Variants in PCBP3 observed in about 807,000 individuals in gnomAD.
PCBP3 encodes poly(rC) binding protein 3.
Under a neutral mutation model 52.7 loss-of-function variants are expected in PCBP3, and 25 were observed. That is an observed-to-expected ratio of 0.47 (90% confidence interval 0.35 to 0.66). PCBP3 has a LOEUF of 0.66. Among genes scored for constraint, PCBP3 ranks in the 30% least tolerant of loss-of-function variants. The pLI, the probability that PCBP3 is intolerant of heterozygous loss-of-function variation, is 0.01. For synonymous variants in PCBP3, 162 were observed against 183.0 expected, an observed-to-expected ratio of 0.89 and a Z score of 0.93; for missense variants, 391 against 490.3, an observed-to-expected ratio of 0.80 and a Z score of 1.91.
At chr21:45,867,752 A>G (rs1188249804) in intron 5 of PCBP3, among the ~76,000 whole-genome samples, 1 of 152,288 alleles carries the variant, frequency 6.6e-6, no homozygotes, top group Non-Finnish European at 1.5e-5. Flanking sequence ...CTGCGGCCAC[A>G]GAAGACTCGC....
intron 17 of PCBP3, among the ~76,000 whole-genome samples, chr21:45,940,706 C>G (rs1258505463): frequency 1.3e-5 from 2 of 151,210 alleles, no homozygotes; most frequent in Non-Finnish European, 2.9e-5. Flanking sequence ...CCCACTCGGC[C>G]TCAAGCCAGT....
chr21:45,844,855 TAACTTTATATA>T (rs1184256041), intron 4 of PCBP3, among the ~76,000 whole-genome samples: 1 of 147,026 alleles, frequency 6.8e-6, no homozygotes, highest in Non-Finnish European at 1.5e-5. Context: ...TATAAAGTTA[TAACTTTATATA>T]CGTATATGAA....
chr21:45,811,281 GGCTCTCCGCAGCAGTGCT>G lies in PCBP3; in HGVS notation c.-125-38677_-125-38660del, dbSNP rs144839456. Among the ~76,000 whole-genome samples, 44 of 152,326 alleles carry G rather than the reference GGCTCTCCGCAGCAGTGCT, an allele frequency of 2.9e-4. No homozygotes were observed. In the East Asian group the frequency reaches 8.5e-3, roughly 29 times the overall value. Reference sequence around the variant, plus strand: ...GCCCCGACAGCAGGAGGCCCCACTGGGCTCTCCGCAGCAGTGCTGCATCCCTTCTGGAGGCTCACGGGG... The same window carrying G: ...GCCCCGACAGCAGGAGGCCCCACTGGGCATCCCTTCTGGAGGCTCACGGGG... On this transcript the variant is annotated intron_variant, in intron 4 of 17. Transcript: ENST00000681687.
intron 4 of PCBP3, among the ~76,000 whole-genome samples, chr21:45,836,860 G>T (rs1280488013): frequency 1.3e-5 from 2 of 152,130 alleles, no homozygotes; most frequent in Non-Finnish European, 2.9e-5. Flanking sequence ...TCTTAGGTTG[G>T]TATGTGTTTC....
intron 4 of PCBP3, among the ~76,000 whole-genome samples, chr21:45,801,891 A>G (rs1219126212): frequency 1.3e-5 from 2 of 152,138 alleles, no homozygotes; most frequent in African/African-American, 4.8e-5. Flanking sequence ...CCCATGATCT[A>G]CTCAGTTTAA....
chr21:45,712,103 ATAT>A (rs1430765395), intron 2 of PCBP3, among the ~76,000 whole-genome samples: 5 of 152,208 alleles, frequency 3.3e-5, no homozygotes, highest in African/African-American at 1.2e-4. Flanking sequence ...TCACTGAATA[ATAT>A]TCTGTTGTAT....
chr21:45,827,430 A>G lies in PCBP3; in HGVS notation c.-125-22531A>G, dbSNP rs1223211220. Among the ~76,000 whole-genome samples the G allele has an allele frequency of 6.6e-6, 1 of 152,156 alleles. No homozygotes were observed. Among genetic ancestry groups the G allele is most frequent in the Non-Finnish European group, 1.5e-5 (1 of 68,026 alleles). On this transcript the variant is annotated intron_variant, in intron 4 of 17. Coordinates refer to ENST00000681687, the MANE Select transcript of PCBP3 (RefSeq NM_001384156.1). The surrounding 1 kb of genome is among the most constrained non-coding windows in gnomAD (Gnocchi z 4.3). ...ACTCCAGTTCAGCTGACAAAAGGCAATCGACAGACACCAACACCAACACCC... is the reference window on the plus strand; with the variant it reads ...ACTCCAGTTCAGCTGACAAAAGGCAGTCGACAGACACCAACACCAACACCC...
intron 4 of PCBP3, among the ~76,000 whole-genome samples, chr21:45,792,112 G>C (rs1032935750): frequency 6.6e-6 from 1 of 152,296 alleles, no homozygotes; most frequent in African/African-American, 2.4e-5. Context: ...GCCAGGCTGT[G>C]AAGCAGTTGG....
intron 4 of PCBP3, among the ~76,000 whole-genome samples, chr21:45,783,273 G>T (rs188040854): frequency 6.6e-6 from 1 of 152,266 alleles, no homozygotes. Context: ...CTTTCATGAA[G>T]TGCTTTTCTT....
rs544033506 is a variant in PCBP3 at position 45,886,165 on chromosome 21, C to T, written c.11-10043C>T. Among the ~76,000 whole-genome samples the T allele has an allele frequency of 8.0e-4, 80 of 100,574 alleles. 2 individuals are homozygous for T. The highest frequency in any genetic ancestry group is 1.5e-3 in the Non-Finnish European group (66 of 45,292). 66.0% of individuals were successfully genotyped at this position (100,574 alleles called of 152,430 possible). On this transcript the variant is annotated intron_variant, in intron 5 of 17. Transcript: ENST00000681687. ...ACATGGTGAGGTGTGGAGGAGGCCTCGTTGCCGCGGGTGCCAAGGGCAGAG... is the reference window on the plus strand; with the variant it reads ...ACATGGTGAGGTGTGGAGGAGGCCTTGTTGCCGCGGGTGCCAAGGGCAGAG...
chr21:45,731,336 G>A (rs1012206662), intron 2 of PCBP3, among the ~76,000 whole-genome samples: 13 of 152,184 alleles, frequency 8.5e-5, no homozygotes, highest in Non-Finnish European at 1.2e-4. Context: ...TGAAAACACC[G>A]TTTTTAGGCT....
At chr21:45,664,526 G>A (rs1204125891) in intron 1 of PCBP3, among the ~76,000 whole-genome samples, 1 of 151,094 alleles carries the variant, frequency 6.6e-6, no homozygotes, top group Non-Finnish European at 1.5e-5. Flanking sequence ...AATATTTCAA[G>A]GGGACTAAAA....
intron 4 of PCBP3, among the ~76,000 whole-genome samples, chr21:45,783,656 G>T: frequency 6.6e-6 from 1 of 152,212 alleles, no homozygotes; most frequent in Non-Finnish European, 1.5e-5. Flanking sequence ...GGTGATGGAG[G>T]AGGTCAGTGC....
chr21:45,783,028 G>T (rs937149479), intron 4 of PCBP3, among the ~76,000 whole-genome samples: 7 of 152,174 alleles, frequency 4.6e-5, no homozygotes, highest in Admixed American at 1.3e-4. Context: ...GACCATTCAG[G>T]CAACCACTTT....
At chr21:45,919,964 T>C (rs902737329) in intron 13 of PCBP3, among the ~76,000 whole-genome samples, 2 of 152,218 alleles carry the variant, frequency 1.3e-5, no homozygotes, top group Non-Finnish European at 2.9e-5. Context: ...GAGGCGACTT[T>C]CTGGGGTGGC....
chr21:45,714,455 C>A (rs562331584), intron 2 of PCBP3, among the ~76,000 whole-genome samples: 1 of 152,102 alleles, frequency 6.6e-6, no homozygotes, highest in Non-Finnish European at 1.5e-5. Context: ...CACACACATG[C>A]ATATGCAGAG....
chr21:45,729,922 G>C (rs1168670978), intron 2 of PCBP3, among the ~76,000 whole-genome samples: 1 of 151,952 alleles, frequency 6.6e-6, no homozygotes, highest in African/African-American at 2.4e-5. Context: ...TACCATGCCT[G>C]GTTAATGTAA....
intron 5 of PCBP3, among the ~76,000 whole-genome samples, chr21:45,860,042 C>G (rs2094452424): frequency 6.6e-6 from 1 of 152,166 alleles, no homozygotes; most frequent in Non-Finnish European, 1.5e-5. Context: ...TGGGGGTGTC[C>G]TCGGCACCTG....
At chr21:45,894,092 G>A (rs2095757392) in intron 5 of PCBP3, 1 of 933,062 alleles carries the variant, frequency 1.1e-6, no homozygotes, top group Non-Finnish European at 1.3e-6. Context: ...TGCAGCTCTG[G>A]GAGCTGCTGA....
Sources: gnomAD v4.1 joint callset for allele counts (sites outside exome capture counted in the v4.1 genomes callset) on GRCh38, gnomAD v4.1.1 for gene constraint, Gnocchi (gnomAD v3.1) non-coding constraint, MANE v1.5 for transcripts, NCBI Gene and HGNC (gene_info 2026-07-23, HGNC 2026-07-21) for gene names.